The following FRMD5 variants were observed in gnomAD, a reference collection of about 807,000 sequenced individuals.
FRMD5 encodes FERM domain-containing protein 5.
A neutral mutation model predicts 69.0 loss-of-function variants in FRMD5; 20 were observed. The observed-to-expected ratio is 0.29, with a 90% confidence interval of 0.20 to 0.42. The LOEUF (loss-of-function observed/expected upper bound fraction) is 0.42. FRMD5 is among the 10% of genes least tolerant of loss of function. The pLI is 1.00. For synonymous variants in FRMD5, 271 were observed against 260.1 expected (o/e 1.04, Z -0.40); for missense variants, 595 against 708.6 (o/e 0.84, Z 1.82).
At chr15:44,166,596 T>A (rs1314105190) in intron 1 of FRMD5, among the ~76,000 whole-genome samples, 1 of 151,528 alleles carries the variant, frequency 6.6e-6, no homozygotes, top group Non-Finnish European at 1.5e-5. Flanking sequence ...AACAGCCTGG[T>A]CAATGTGGCA....
chr15:43,873,514 T>C lies in FRMD5; in HGVS notation c.*371A>G. 1 of 1,413,702 alleles carries C rather than the reference T, an allele frequency of 7.1e-7. No homozygotes were observed. The highest frequency in any genetic ancestry group is 9.2e-7 in the Non-Finnish European group (1 of 1,087,498). The allele number at this position is 1,413,702 out of a possible 1,614,324, so 87.6% of individuals were successfully genotyped here. A position where few individuals can be genotyped will look rare whatever the true frequency, so the allele number is the denominator to read the frequency against. On this transcript the variant is annotated 3_prime_UTR_variant, in exon 14 of 14. Transcript: ENST00000417257. ...AACTAGTGTCCCCTCTGCTAGGTGATACTACTGCAATAATCAGTAATAGTA... is the reference window on the plus strand; with the variant it reads ...AACTAGTGTCCCCTCTGCTAGGTGACACTACTGCAATAATCAGTAATAGTA...
chr15:44,036,087 C>T (rs576942534), intron 1 of FRMD5, among the ~76,000 whole-genome samples: 2 of 152,244 alleles, frequency 1.3e-5, no homozygotes, highest in East Asian at 3.9e-4. Context: ...AGGAACAAAT[C>T]CTAACGCAGC....
chr15:43,931,455 A>C (rs2089674195), intron 1 of FRMD5, among the ~76,000 whole-genome samples: 1 of 152,002 alleles, frequency 6.6e-6, no homozygotes. Flanking sequence ...CACATTCTCT[A>C]ATACAGCTGC....
At chr15:44,039,158 G>T (rs1892070106) in intron 1 of FRMD5, among the ~76,000 whole-genome samples, 1 of 152,248 alleles carries the variant, frequency 6.6e-6, no homozygotes, top group African/African-American at 2.4e-5. Flanking sequence ...CTGAAAAAAA[G>T]GCAACAGCCT....
intron 1 of FRMD5, among the ~76,000 whole-genome samples, chr15:44,131,218 T>G (rs752013662): frequency 6.6e-6 from 1 of 152,036 alleles, no homozygotes; most frequent in Non-Finnish European, 1.5e-5. Context: ...TTACTAATCA[T>G]TAGGAAAATG....
At chr15:44,192,944 T>C (rs2140621511) in intron 1 of FRMD5, among the ~76,000 whole-genome samples, 1 of 152,330 alleles carries the variant, frequency 6.6e-6, no homozygotes, top group East Asian at 1.9e-4. Context: ...ATTGTAATAA[T>C]GTAAAATGAG....
intron 1 of FRMD5, among the ~76,000 whole-genome samples, chr15:44,039,849 T>A (rs547495296): frequency 6.6e-6 from 1 of 152,120 alleles, no homozygotes; most frequent in South Asian, 2.1e-4. Flanking sequence ...AGAAGAGGCT[T>A]CAGAAGGCGG....
At chr15:43,921,039 C>A (rs1351645749) in intron 2 of FRMD5, among the ~76,000 whole-genome samples, 6 of 152,226 alleles carry the variant, frequency 3.9e-5, no homozygotes, top group Non-Finnish European at 7.3e-5. Flanking sequence ...TTCTGCTGAT[C>A]TGAGTTCCCA....
chr15:44,001,721 C>T (rs555073489), intron 1 of FRMD5, among the ~76,000 whole-genome samples: 9 of 151,954 alleles, frequency 5.9e-5, no homozygotes, highest in Admixed American at 1.3e-4. Flanking sequence ...ATCCTCCTGC[C>T]GCAGCCCCCC....
chr15:44,056,771 TC>T (rs1369217566), intron 1 of FRMD5, among the ~76,000 whole-genome samples: 1 of 152,114 alleles, frequency 6.6e-6, no homozygotes, highest in East Asian at 1.9e-4. Flanking sequence ...CAGACGCCTC[TC>T]CTTGGTTCTC....
rs1566838417 is a variant in FRMD5, at chr15:43,923,635, G to A, written c.207+570C>T. Among the ~76,000 whole-genome samples the A allele has an allele frequency of 2.0e-5, 3 of 152,240 alleles. No individual in the cohort carries two copies. In the South Asian group the frequency reaches 6.2e-4, roughly 32 times the overall value. ...TGGGGAGATGAAGCTGGAGAAATAG[G>A]CAGGGGCCTGAGATGATGGACTTGT... On this transcript the variant is annotated intron_variant, in intron 2 of 13. Transcript: ENST00000417257.
intron 7 of FRMD5, among the ~76,000 whole-genome samples, chr15:43,892,381 G>A (rs1339995146): frequency 6.6e-6 from 1 of 152,202 alleles, no homozygotes; most frequent in South Asian, 2.1e-4. Flanking sequence ...TGCTGATGGG[G>A]TTGTTAAATG....
chr15:44,040,017 T>C (rs905009420), intron 1 of FRMD5, among the ~76,000 whole-genome samples: 2 of 151,702 alleles, frequency 1.3e-5, no homozygotes, highest in African/African-American at 2.4e-5. Flanking sequence ...GCACAAGAAG[T>C]GCATGAAGCA....
intron 1 of FRMD5, among the ~76,000 whole-genome samples, chr15:44,136,117 A>C (rs889512692): frequency 6.6e-6 from 1 of 151,902 alleles, no homozygotes; most frequent in Admixed American, 6.6e-5. Context: ...CACCTCCCAG[A>C]TCTTCCCACC....
At chr15:44,132,446 A>G (rs754035485) in intron 1 of FRMD5, among the ~76,000 whole-genome samples, 9 of 152,162 alleles carry the variant, frequency 5.9e-5, no homozygotes, top group Non-Finnish European at 1.0e-4. Context: ...GTATTTATTT[A>G]GAGAAAGAAA....
intron 1 of FRMD5, among the ~76,000 whole-genome samples, chr15:44,181,981 A>G (rs1239353238): frequency 6.6e-6 from 1 of 150,796 alleles, no homozygotes. Flanking sequence ...TTTTTCACCT[A>G]TTTTGCTCAA....
intron 1 of FRMD5, among the ~76,000 whole-genome samples, chr15:44,015,955 A>C (rs1890937130): frequency 6.6e-6 from 1 of 152,214 alleles, no homozygotes; most frequent in Non-Finnish European, 1.5e-5. Context: ...TTCAGAATAC[A>C]ATATTCAGAT....
Position 43,932,846 on chromosome 15 carries a change from C to T in FRMD5, c.103-8537G>A, listed in dbSNP as rs572441808. ...AGCTCTCTGACTGAAGCCCCAACTTCCCCAGAGCATGCCCAGTCACACACA... is the reference window on the plus strand; with the variant it reads ...AGCTCTCTGACTGAAGCCCCAACTTTCCCAGAGCATGCCCAGTCACACACA... On this transcript the variant is annotated intron_variant, in intron 1 of 13. Coordinates refer to ENST00000417257, the MANE Select transcript of FRMD5 (RefSeq NM_032892.5). Among the ~76,000 whole-genome samples, 15 of 152,334 alleles carry T rather than the reference C, an allele frequency of 9.8e-5. No individual in the cohort carries two copies. In the East Asian group the frequency reaches 2.1e-3, roughly 22 times the overall value.
chr15:43,914,022 C>T (rs973895631), intron 4 of FRMD5, among the ~76,000 whole-genome samples: 11 of 152,180 alleles, frequency 7.2e-5, no homozygotes, highest in African/African-American at 2.4e-4. Context: ...TACCTCACCT[C>T]CATTTTTGTT....
Sources: allele counts gnomAD v4.1 joint callset (sites outside exome capture counted in the v4.1 genomes callset), GRCh38; gene constraint gnomAD v4.1.1; transcripts MANE v1.5; gene names NCBI Gene and HGNC (gene_info 2026-07-23, HGNC 2026-07-21).